The following SUV39H1 variants were observed in gnomAD, a reference collection of about 807,000 sequenced individuals.
The protein encoded by SUV39H1 is histone-lysine N-methyltransferase SUV39H1.
For missense variants in SUV39H1, 180 were observed against 386.3 expected (o/e 0.47, Z 4.48); for synonymous variants, 141 against 150.5 (o/e 0.94, Z 0.46).
upstream of SUV39H1, chrX:48,696,604 A>G: frequency 1.9e-6 from 1 of 518,607 alleles, no homozygotes; most frequent in Non-Finnish European, 2.8e-6. Flanking sequence ...CGCGGCGAGC[A>G]CCCGCCTCCG....
intron 3 of SUV39H1, among the ~76,000 whole-genome samples, chrX:48,704,444 C>T (rs1246222774): frequency 9.0e-6 from 1 of 111,279 alleles, no homozygotes; most frequent in African/African-American, 3.3e-5. Flanking sequence ...CCTTTGATCC[C>T]AGGACTTGAT....
At chrX:48,701,491 C>T (rs1020060835) in intron 3 of SUV39H1, among the ~76,000 whole-genome samples, 3 of 111,619 alleles carry the variant, frequency 2.7e-5, no homozygotes, top group African/African-American at 6.5e-5. Flanking sequence ...GCCTGGCAGG[C>T]GGGCCAAGTG....
intron 2 of SUV39H1, 147 bp downstream of exon 2, chrX:48,699,194 C>A: frequency 3.4e-6 from 2 of 595,514 alleles, no homozygotes; most frequent in Non-Finnish European, 4.9e-6. Context: ...ACCCTTTTAT[C>A]CCTATGTTAC....
intron 3 of SUV39H1, among the ~76,000 whole-genome samples, chrX:48,701,454 T>G (rs1163109851): frequency 8.9e-6 from 1 of 112,006 alleles, no homozygotes; most frequent in African/African-American, 3.2e-5. Flanking sequence ...CTTGAAGCCT[T>G]GGAGTCACTA....
In SUV39H1 at chrX:48,707,834, C is replaced by A; in HGVS notation, c.*264C>A. The A allele has an allele frequency of 2.3e-6, 1 of 437,539 alleles. No homozygotes were observed. The allele number at this position is 437,539 out of a possible 1,213,427, so 36.1% of individuals were successfully genotyped here. ...GAAATAGTTTTTCAACATCAAGACT[C>A]TCTGTCGTTGGGATTCATGGCCTAT... On this transcript the variant is annotated 3_prime_UTR_variant, in exon 6 of 6. Coordinates refer to ENST00000376687, the MANE Select transcript of SUV39H1 (RefSeq NM_003173.4).
chrX:48,696,650 G>T, upstream of SUV39H1: 3 of 895,821 alleles, frequency 3.3e-6, no homozygotes, highest in Non-Finnish European at 4.4e-6. Flanking sequence ...GTTCGGTCAC[G>T]GCTCTCCGGT....
chrX:48,702,983 A>T (rs1424827630), intron 3 of SUV39H1, among the ~76,000 whole-genome samples: 1 of 111,926 alleles, frequency 8.9e-6, no homozygotes, highest in Non-Finnish European at 1.9e-5. Flanking sequence ...TCCCAGCTCC[A>T]CTACTCATCA....
upstream of SUV39H1, chrX:48,696,708 G>A (rs2062456675): frequency 9.0e-7 from 1 of 1,111,448 alleles, no homozygotes; most frequent in Non-Finnish European, 1.2e-6. Flanking sequence ...AATAGGCTGC[G>A]CGTTCCCGGC....
At chrX:48,707,374 C>A in intron 5 of SUV39H1, 63 bp from the exon 6 acceptor site, 1 of 1,037,693 alleles carries the variant, frequency 9.6e-7, no homozygotes. Context: ...TTCCTCCCTC[C>A]CTCCTTCTCC....
rs781838069 is a variant in SUV39H1, at chrX:48,707,676, C to G, written c.*106C>G. 1 of 940,259 alleles carries G rather than the reference C, an allele frequency of 1.1e-6. No homozygotes were observed. The highest frequency in any genetic ancestry group is 2.1e-5 in the South Asian group (1 of 47,186). The allele number at this position is 940,259 out of a possible 1,213,427, so 77.5% of individuals were successfully genotyped here. A position where few individuals can be genotyped will look rare whatever the true frequency, so the allele number is the denominator to read the frequency against. ...ATGACTGCCAGGGCCTCGCCTGCCTCCACCTGCCCCCACCTGCTCCTACCT... is the reference window on the plus strand; with the variant it reads ...ATGACTGCCAGGGCCTCGCCTGCCTGCACCTGCCCCCACCTGCTCCTACCT... On this transcript the variant is annotated 3_prime_UTR_variant, in exon 6 of 6. Coordinates refer to ENST00000376687, the MANE Select transcript of SUV39H1 (RefSeq NM_003173.4).
rs1384817372 is a variant in SUV39H1, at chrX:48,708,556, G to A, written c.*986G>A. The stretch of plus-strand genomic sequence containing the variant: ...AACCACGGAGGTGGATGCCAGGAAA[G>A]GGCCCATGTGGCAGAAGGCAAAGTA... On this transcript the variant is annotated 3_prime_UTR_variant, in exon 6 of 6. Transcript: ENST00000376687. 8.9e-6 allele frequency: 1 copy of A among 112,696 alleles called. No homozygotes were observed. The highest frequency in any genetic ancestry group is 3.2e-5 in the African/African-American group (1 of 30,874). The allele number at this position is 112,696 out of a possible 1,213,427, so 9.3% of individuals were successfully genotyped here.
At chrX:48,704,262 G>A (rs2062484010) in intron 3 of SUV39H1, among the ~76,000 whole-genome samples, 1 of 111,876 alleles carries the variant, frequency 8.9e-6, no homozygotes, top group Admixed American at 9.4e-5. Context: ...GCCCTGGAGG[G>A]CCTGCAGTAT....
intron 2 of SUV39H1, among the ~76,000 whole-genome samples, 191 bp from the exon 3 acceptor site, chrX:48,699,900 G>A (rs782607400): frequency 1.8e-5 from 2 of 110,669 alleles, no homozygotes; most frequent in Non-Finnish European, 3.8e-5. Context: ...CAGTAAGGGG[G>A]AGAGGAGGAT....
rs1335170185 is a variant in SUV39H1 at position 48,708,336 on chromosome X, T to C, written c.*766T>C. On this transcript the variant is annotated 3_prime_UTR_variant, in exon 6 of 6. Transcript: ENST00000376687. ...AGTGCAGTGAAGGTACCTAGGGCTC[T>C]TGGGAGCTCTGCGGTTGCTAGGGGC... The C allele has an allele frequency of 8.8e-6, 1 of 113,234 alleles. No homozygotes were observed. Among genetic ancestry groups the C allele is most frequent in the East Asian group, 2.8e-4 (1 of 3,549 alleles). The allele number at this position is 113,234 out of a possible 1,213,427, so 9.3% of individuals were successfully genotyped here.
intron 2 of SUV39H1, among the ~76,000 whole-genome samples, chrX:48,699,560 G>A (rs1387222171): frequency 9.0e-6 from 1 of 111,702 alleles, no homozygotes; most frequent in Admixed American, 9.5e-5. Flanking sequence ...GTAAAAGAGG[G>A]ATAACTAGGA....
chrX:48,705,739 CTT>C, intron 3 of SUV39H1, among the ~76,000 whole-genome samples: 1 of 112,372 alleles, frequency 8.9e-6, no homozygotes, highest in South Asian at 3.7e-4. Flanking sequence ...CTCCACCTCT[CTT>C]GTCTTGAGGC....
rs2062469723 is a variant in SUV39H1 at position 48,700,214 on chromosome X, C to T, written c.289C>T (p.Leu97=). The part of the protein sequence containing the change: ...KQFHKDLERE[L]LRRHHRSKTP... ...GTTCCACAAGGACTTAGAAAGGGAG[C>T]TGCTCCGGCGGCACCACCGGTCAAA... The change falls in exon 3 of 6, where the codon CTG becomes TTG. Residue 97 remains leucine, a synonymous_variant. Coordinates refer to ENST00000376687, the MANE Select transcript of SUV39H1 (RefSeq NM_003173.4). The T allele has an allele frequency of 1.7e-6, 2 of 1,201,986 alleles. No homozygotes were observed. Among genetic ancestry groups the T allele is most frequent in the African/African-American group, 3.5e-5 (2 of 56,862 alleles).
chrX:48,698,917 G>C lies in SUV39H1; in HGVS notation c.35G>C (p.Cys12Ser). ...AENLKGCSVC[C>S]KSSWNQLQDL... Reference sequence around the variant, plus strand: ...CTTGATCCAGGCTGCAGCGTGTGTTGCAAGTCTTCTTGGAATCAGCTGCAG... The same window carrying C: ...CTTGATCCAGGCTGCAGCGTGTGTTCCAAGTCTTCTTGGAATCAGCTGCAG... The change falls in exon 2 of 6, where the codon TGC (cysteine) becomes TCC (serine). Residue 12 changes from cysteine (C) to serine (S), a missense_variant. Transcript: ENST00000376687. 1 of 1,210,312 alleles carries C rather than the reference G, an allele frequency of 8.3e-7. No individual in the cohort carries two copies. Among genetic ancestry groups the C allele is most frequent in the Non-Finnish European group, 1.1e-6 (1 of 894,964 alleles).
Position 48,708,363 on chromosome X carries a change from CT to C in SUV39H1, c.*794del, listed in dbSNP as rs1156371002. 2 of 113,184 alleles carry C rather than the reference CT, an allele frequency of 1.8e-5. No homozygotes were observed. The highest frequency in any genetic ancestry group is 3.7e-5 in the Non-Finnish European group (2 of 53,807). 9.3% of individuals were successfully genotyped at this position (113,184 alleles called of 1,213,427 possible). On this transcript the variant is annotated 3_prime_UTR_variant, in exon 6 of 6. Coordinates refer to ENST00000376687, the MANE Select transcript of SUV39H1 (RefSeq NM_003173.4). The stretch of plus-strand genomic sequence containing the variant: ...GGGAGCTCTGCGGTTGCTAGGGGCC[CT>C]GACCTGGGGTGTCATGACCGCTGAC...
Sources: gnomAD v4.1 joint callset for allele counts (sites outside exome capture counted in the v4.1 genomes callset) on GRCh38, gnomAD v4.1.1 for gene constraint, MANE v1.5 for transcripts, NCBI Gene and HGNC (gene_info 2026-07-23, HGNC 2026-07-21) for gene names.